Variants in INPP5A observed in about 807,000 individuals in gnomAD.
INPP5A encodes the protein inositol polyphosphate-5-phosphatase A, also known as 43 kDa inositol polyphosphate 5-phophatase.
In INPP5A, 14 loss-of-function variants were observed where a neutral mutation model predicts 65.2. The observed-to-expected ratio is 0.21, with a 90% CI of 0.14 to 0.34. INPP5A has a LOEUF of 0.34. INPP5A is among the 10% of genes least tolerant of loss of function. The pLI is 1.00. For synonymous variants in INPP5A, 207 were observed against 208.3 expected, an observed-to-expected ratio of 0.99 and a Z score of 0.05; for missense variants, 431 against 545.6, an observed-to-expected ratio of 0.79 and a Z score of 2.09.
intron 2 of INPP5A, among the ~76,000 whole-genome samples, chr10:132,634,839 C>T (rs1254852060): frequency 6.6e-6 from 1 of 152,206 alleles, no homozygotes; most frequent in South Asian, 2.1e-4. Flanking sequence ...CCTGGCTCAC[C>T]GCAGCCCTCC....
intron 9 of INPP5A, among the ~76,000 whole-genome samples, chr10:132,736,186 C>T (rs1344034222): frequency 6.6e-6 from 1 of 152,234 alleles, no homozygotes; most frequent in African/African-American, 2.4e-5. Flanking sequence ...GCCTGCGGCT[C>T]CAGCTGCTGC....
intron 4 of INPP5A, among the ~76,000 whole-genome samples, chr10:132,670,864 TTA>T (rs1412843497): frequency 3.3e-5 from 5 of 149,896 alleles, no homozygotes; most frequent in Non-Finnish European, 3.0e-5. Flanking sequence ...TTTTTTTTTT[TTA>T]AGGAAAATGA....
chr10:132,756,743 G>A (rs1846626796), intron 11 of INPP5A, among the ~76,000 whole-genome samples: 1 of 152,252 alleles, frequency 6.6e-6, no homozygotes, highest in Non-Finnish European at 1.5e-5. Flanking sequence ...AAAGGTACCT[G>A]TAAACAGCCT....
At chr10:132,740,760 G>A (rs753106677) in intron 9 of INPP5A, among the ~76,000 whole-genome samples, 2 of 152,202 alleles carry the variant, frequency 1.3e-5, no homozygotes, top group Non-Finnish European at 2.9e-5. Context: ...TAATAAAGAA[G>A]GATGGGACTT....
rs552244702 is a variant in INPP5A, at chr10:132,705,672, G to A, written c.475-2641G>A. Among the ~76,000 whole-genome samples the A allele has an allele frequency of 6.6e-5, 10 of 152,328 alleles. No individual in the cohort carries two copies. Among genetic ancestry groups the A allele is most frequent in the Non-Finnish European group, 1.5e-4 (10 of 68,042 alleles). On this transcript the variant is annotated intron_variant, in intron 6 of 15. Transcript: ENST00000368594. The surrounding 1 kb of genome is among the most constrained non-coding windows in gnomAD (Gnocchi z 4.9). The stretch of plus-strand genomic sequence containing the variant: ...CTTCTTTAAAAGTCTGCTTACCTGG[G>A]GCCCGGGACTTTACAGGTGAGGGAA...
chr10:132,633,995 A>G (rs1316038291), intron 2 of INPP5A, among the ~76,000 whole-genome samples: 1 of 152,238 alleles, frequency 6.6e-6, no homozygotes. Context: ...CAGACAGTGC[A>G]TCACTTCATT....
intron 11 of INPP5A, among the ~76,000 whole-genome samples, chr10:132,759,517 T>C (rs1846691989): frequency 6.6e-6 from 1 of 152,166 alleles, no homozygotes; most frequent in South Asian, 2.1e-4. Flanking sequence ...TGCCTGGGGC[T>C]TCGCTCGCTG....
intron 2 of INPP5A, among the ~76,000 whole-genome samples, chr10:132,639,827 G>A (rs1191173887): frequency 6.6e-6 from 1 of 152,128 alleles, no homozygotes; most frequent in East Asian, 1.9e-4. Context: ...AGATTTGCCA[G>A]CTGTTCTCTG....
In INPP5A at chr10:132,782,605, AATATATAT is replaced by A. The variant is rs896261427; in HGVS notation, c.*578_*585del. On this transcript the variant is annotated 3_prime_UTR_variant, in exon 16 of 16. Transcript: ENST00000368594. This position sits in a 1 kb window ranked among gnomAD's most constrained non-coding sequence, Gnocchi z 4.4. Reference sequence around the variant, plus strand: ...TGCTTTCCATTTTTATATATATATAAATATATATAAATATATACTTTTTAAAAATAATT... The same window carrying A: ...TGCTTTCCATTTTTATATATATATAAAAATATATACTTTTTAAAAATAATT... 3.4e-5 allele frequency: 5 copies of A among 148,602 alleles called. No individual in the cohort carries two copies. The highest frequency in any genetic ancestry group is 4.4e-5 in the Non-Finnish European group (3 of 67,442). The allele number at this position is 148,602 out of a possible 1,614,324, so 9.2% of individuals were successfully genotyped here.
intron 4 of INPP5A, among the ~76,000 whole-genome samples, chr10:132,671,693 T>C (rs2072894838): frequency 1.3e-5 from 2 of 152,220 alleles, no homozygotes; most frequent in African/African-American, 4.8e-5. Flanking sequence ...ATGAGCTTCC[T>C]GATACTGTTT....
At chr10:132,670,367 C>A in intron 4 of INPP5A, among the ~76,000 whole-genome samples, 1 of 48,584 alleles carries the variant, frequency 2.1e-5, no homozygotes, top group Non-Finnish European at 4.7e-5. Flanking sequence ...GACCCCACCC[C>A]CCCGACCTCA....
chr10:132,578,583 C>T (rs1229947469), intron 1 of INPP5A, among the ~76,000 whole-genome samples: 3 of 148,780 alleles, frequency 2.0e-5, no homozygotes, highest in African/African-American at 2.5e-5. Context: ...GGAGAGTGTG[C>T]GGGGGCTGGA....
chr10:132,743,338 C>A (rs571861497), intron 9 of INPP5A, among the ~76,000 whole-genome samples: 1 of 135,732 alleles, frequency 7.4e-6, no homozygotes, highest in South Asian at 2.5e-4. Flanking sequence ...CCAGCAGGGA[C>A]CGGGCCCGGG....
chr10:132,772,995 G>A (rs944451601), intron 12 of INPP5A, among the ~76,000 whole-genome samples: 17 of 152,362 alleles, frequency 1.1e-4, no homozygotes, highest in African/African-American at 2.9e-4. Context: ...GTTTAAAGCC[G>A]GGTTGCACAG....
chr10:132,771,654 C>A (rs1284375555), intron 12 of INPP5A, among the ~76,000 whole-genome samples: 1 of 145,810 alleles, frequency 6.9e-6, no homozygotes, highest in Non-Finnish European at 1.5e-5. Context: ...CCGGCAGCCG[C>A]CCCGCGAAGA....
At chr10:132,576,187 C>T (rs1001103678) in intron 1 of INPP5A, among the ~76,000 whole-genome samples, 49 of 152,194 alleles carry the variant, frequency 3.2e-4, no homozygotes, top group Admixed American at 2.0e-4. Context: ...AGCCGTGGTC[C>T]GGGGCTGTGG....
Position 132,551,651 on chromosome 10 carries a change from G to C in INPP5A, c.75+13480G>C, listed in dbSNP as rs931482870. Among the ~76,000 whole-genome samples, 1 of 152,172 alleles carries C rather than the reference G, an allele frequency of 6.6e-6. No individual in the cohort carries two copies. The highest frequency in any genetic ancestry group is 1.5e-5 in the Non-Finnish European group (1 of 68,040). On this transcript the variant is annotated intron_variant, in intron 1 of 15. Transcript: ENST00000368594. The surrounding 1 kb of genome is among the most constrained non-coding windows in gnomAD (Gnocchi z 5.3). ...ACTTCCTGTTTGCTGTAACGGCTGT[G>C]CCTCCCTCGCTGCTGCAGTGGGCAG... is the stretch of plus-strand genomic sequence containing the variant.
chr10:132,691,903 G>T (rs1019575481), intron 5 of INPP5A, among the ~76,000 whole-genome samples: 1 of 152,024 alleles, frequency 6.6e-6, no homozygotes, highest in East Asian at 1.9e-4. Context: ...ACATGCGGTC[G>T]CGGGAGACGT....
intron 12 of INPP5A, among the ~76,000 whole-genome samples, chr10:132,776,450 A>T (rs1489208629): frequency 3.9e-5 from 6 of 152,232 alleles, no homozygotes; most frequent in Non-Finnish European, 7.3e-5. Context: ...CAGAATCCGC[A>T]GCTGAGGTGC....
Sources: gnomAD v4.1 joint callset for allele counts (sites outside exome capture counted in the v4.1 genomes callset) on GRCh38, gnomAD v4.1.1 for gene constraint, Gnocchi (gnomAD v3.1) non-coding constraint, MANE v1.5 for transcripts, NCBI Gene and HGNC (gene_info 2026-07-23, HGNC 2026-07-21) for gene names.